Variants in GRK3 observed in about 807,000 individuals in gnomAD.
The protein encoded by GRK3 is G protein-coupled receptor kinase 3.
Under a neutral mutation model 95.7 loss-of-function variants are expected in GRK3, and 54 were observed. The observed-to-expected ratio is 0.56, with a 90% CI of 0.45 to 0.71. GRK3 has a LOEUF of 0.71. Among genes scored for constraint, GRK3 ranks in the 30% least tolerant of loss-of-function variants. The pLI is 0.00. For synonymous variants in GRK3, 281 were observed against 290.8 expected (o/e 0.97, Z 0.34); for missense variants, 649 against 851.2 (o/e 0.76, Z 2.96).
chr22:25,639,687 T>A (rs1259941291), intron 2 of GRK3, among the ~76,000 whole-genome samples: 1 of 152,202 alleles, frequency 6.6e-6, no homozygotes, highest in Admixed American at 6.5e-5. Flanking sequence ...AATCAGCTTG[T>A]CAGTTTCTTT....
intron 2 of GRK3, among the ~76,000 whole-genome samples, chr22:25,616,628 C>T (rs768838316): frequency 1.3e-5 from 2 of 152,072 alleles, no homozygotes; most frequent in African/African-American, 2.4e-5. Flanking sequence ...CTGTGAGAGA[C>T]GATGCTGGCC....
chr22:25,574,669 A>G (rs534897219), intron 1 of GRK3, among the ~76,000 whole-genome samples: 4 of 152,288 alleles, frequency 2.6e-5, no homozygotes, highest in South Asian at 2.1e-4. Context: ...TCTATTCTCT[A>G]TTTAAAATGG....
At position 25,706,307 on chromosome 22, in the gene GRK3, G is replaced by C. The variant is rs147376074; in HGVS notation, c.1328+2098G>C. Reference sequence around the variant, plus strand: ...GAAGAAGTACGGCGGGTATGGGTGTGCATTTGTGTGCAAGTGTGCAGCTCA... The same window carrying C: ...GAAGAAGTACGGCGGGTATGGGTGTCCATTTGTGTGCAAGTGTGCAGCTCA... On this transcript the variant is annotated intron_variant, in intron 15 of 20. Coordinates refer to ENST00000324198, the MANE Select transcript of GRK3 (RefSeq NM_005160.4). 4.1e-3 allele frequency among the ~76,000 whole-genome samples: 620 copies of C among 152,136 alleles called. 11 individuals are homozygous for C. Among genetic ancestry groups the C allele is most frequent in the Middle Eastern group, 0.031 (9 of 294 alleles).
Position 25,704,096 on chromosome 22 carries a change from G to A in GRK3, c.1228-13G>A, listed in dbSNP as rs140680485. On this transcript the variant is annotated splice_polypyrimidine_tract_variant and intron_variant, in intron 14 of 20. Coordinates refer to ENST00000324198, the MANE Select transcript of GRK3 (RefSeq NM_005160.4). ...TGAACGGATTTTTGAAATCTTACTCGTCTTTTCCCCAGAATGTGGAACTTC... is the reference window on the plus strand; with the variant it reads ...TGAACGGATTTTTGAAATCTTACTCATCTTTTCCCCAGAATGTGGAACTTC... 685 of 1,601,076 alleles carry A rather than the reference G, an allele frequency of 4.3e-4. 3 individuals carry two copies. In the African/African-American group the frequency reaches 7.8e-3, roughly 18 times the overall value.
At chr22:25,570,384 CT>C (rs1425167724) in intron 1 of GRK3, among the ~76,000 whole-genome samples, 1 of 152,202 alleles carries the variant, frequency 6.6e-6, no homozygotes, top group African/African-American at 2.4e-5. Context: ...GCCCTGTCTC[CT>C]TTTTATTTAA....
At chr22:25,610,183 C>T (rs1399785541) in intron 2 of GRK3, among the ~76,000 whole-genome samples, 3 of 152,214 alleles carry the variant, frequency 2.0e-5, no homozygotes, top group East Asian at 3.9e-4. Context: ...AATGACTTGT[C>T]CAGGTGTGGT....
rs543185454 is a variant in GRK3 at position 25,632,449 on chromosome 22, T to C, written c.191-12143T>C. 5.9e-5 allele frequency among the ~76,000 whole-genome samples: 9 copies of C among 152,338 alleles called. 1 individual carries two copies. In the South Asian group the frequency reaches 1.7e-3, roughly 28 times the overall value. ...TTGGATACAAGTCCTTTAGCAGATA[T>C]ATATTTTGCAAATATTTTCTCCAAA... On this transcript the variant is annotated intron_variant, in intron 2 of 20. Coordinates refer to ENST00000324198, the MANE Select transcript of GRK3 (RefSeq NM_005160.4).
chr22:25,609,422 C>T lies in GRK3; in HGVS notation c.190+4969C>T, dbSNP rs2084478402. Among the ~76,000 whole-genome samples, 4 of 152,034 alleles carry T rather than the reference C, an allele frequency of 2.6e-5. No homozygotes were observed. In the South Asian group the frequency reaches 8.3e-4, roughly 32 times the overall value. On this transcript the variant is annotated intron_variant, in intron 2 of 20. Coordinates refer to ENST00000324198, the MANE Select transcript of GRK3 (RefSeq NM_005160.4). ...TCTTGGCTCACTGCAACCTCTGCCT[C>T]ACAGGTTCAAGCAATGCTCTTGCCT...
chr22:25,686,415 T>C (rs1174580505), intron 10 of GRK3, among the ~76,000 whole-genome samples: 1 of 151,978 alleles, frequency 6.6e-6, no homozygotes. Flanking sequence ...GAGTGGGGCT[T>C]GGGGGTAAGG....
intron 13 of GRK3, among the ~76,000 whole-genome samples, chr22:25,696,845 A>C (rs1430897145): frequency 6.6e-6 from 1 of 152,198 alleles, no homozygotes; most frequent in East Asian, 1.9e-4. Context: ...GTTATTCCTT[A>C]ATTGAATTAT....
chr22:25,695,294 C>G, intron 13 of GRK3, 80 bp downstream of exon 13: 4 of 951,704 alleles, frequency 4.2e-6, no homozygotes, highest in Non-Finnish European at 6.7e-6. Flanking sequence ...GTAGAAATGA[C>G]TAGACGCTAA....
intron 1 of GRK3, among the ~76,000 whole-genome samples, chr22:25,575,572 A>G (rs1931860149): frequency 6.6e-6 from 1 of 152,222 alleles, no homozygotes; most frequent in Non-Finnish European, 1.5e-5. Context: ...TGTTTATTAC[A>G]GTGGATGGTC....
At chr22:25,591,893 T>C (rs1276754828) in intron 1 of GRK3, among the ~76,000 whole-genome samples, 1 of 152,210 alleles carries the variant, frequency 6.6e-6, no homozygotes. Context: ...ATTGTGGCTA[T>C]TGTGTTGCTT....
chr22:25,649,185 GACT>G, intron 3 of GRK3: 1 of 1,352,874 alleles, frequency 7.4e-7, no homozygotes, highest in East Asian at 2.3e-5. Context: ...CTTCTTGGGA[GACT>G]ACTTCACTGC....
chr22:25,663,312 A>C (rs1361961873), intron 4 of GRK3, among the ~76,000 whole-genome samples: 1 of 152,212 alleles, frequency 6.6e-6, no homozygotes, highest in Non-Finnish European at 1.5e-5. Flanking sequence ...GGCATGAACC[A>C]GTGCACTTGA....
At chr22:25,675,730 A>G (rs1335460270) in intron 8 of GRK3, among the ~76,000 whole-genome samples, 3 of 152,234 alleles carry the variant, frequency 2.0e-5, no homozygotes, top group African/African-American at 7.2e-5. Flanking sequence ...TGGCTTTGCC[A>G]AGAAGTCCTT....
chr22:25,671,236 A>C (rs921949275), intron 6 of GRK3, among the ~76,000 whole-genome samples: 2 of 152,004 alleles, frequency 1.3e-5, no homozygotes, highest in Non-Finnish European at 2.9e-5. Context: ...GCTACTCCGG[A>C]GGCTGAGGCA....
At position 25,711,117 on chromosome 22, in the gene GRK3, C is replaced by A. The variant is rs2085340736; in HGVS notation, c.1445C>A (p.Ala482Asp). 6.2e-7 allele frequency: 1 copy of A among 1,613,576 alleles called. No individual in the cohort carries two copies. Among genetic ancestry groups the A allele is most frequent in the South Asian group, 1.1e-5 (1 of 91,046 alleles). ...CGGGGAGAAGTCAATGCTGCTGATG[C>A]CTTTGATATTGGCTCATTTGATGAA... ...PPRGEVNAAD[A>D]FDIGSFDEED... Residue 482 changes from alanine to aspartate, a missense_variant, in exon 17 of 21, where the codon GCC (alanine) becomes GAC (aspartate). This residue lies in a region of GRK3 where 382 missense variants were observed against 493.8 expected (regional missense o/e 0.77). Transcript: ENST00000324198.
At chr22:25,714,316 T>C (rs2085366180) in intron 17 of GRK3, 92 bp from the exon 18 acceptor site, 1 of 1,074,456 alleles carries the variant, frequency 9.3e-7, no homozygotes, top group South Asian at 1.7e-5. Flanking sequence ...CTATATAGAG[T>C]TATGATAGAG....
Sources: gnomAD v4.1 joint callset for allele counts (sites outside exome capture counted in the v4.1 genomes callset) on GRCh38, gnomAD v4.1.1 for gene constraint, gnomAD v4.1.1 regional missense constraint, MANE v1.5 for transcripts, NCBI Gene and HGNC (gene_info 2026-07-23, HGNC 2026-07-21) for gene names.